KDM4B: variants seen among roughly 807,000 people sequenced by gnomAD.
The protein encoded by KDM4B is lysine-specific demethylase 4B.
In KDM4B, 32 loss-of-function variants were observed where a neutral mutation model predicts 125.2. The ratio of observed to expected loss-of-function variants is 0.26; its 90% CI spans 0.19 to 0.34. KDM4B has a LOEUF of 0.34. Ranked by LOEUF, KDM4B falls within the 10% of genes least tolerant of loss-of-function variation. The pLI is 1.00. For missense variants in KDM4B, 1,190 were observed against 1,577.7 expected (o/e 0.75, Z 4.16); for synonymous variants, 721 against 677.9 (o/e 1.06, Z -0.99).
intron 6 of KDM4B, among the ~76,000 whole-genome samples, chr19:5,068,910 G>T (rs1034008319): frequency 1.3e-5 from 2 of 152,250 alleles, no homozygotes; most frequent in African/African-American, 4.8e-5. Flanking sequence ...TAATTAAGTG[G>T]AGCAGCATTG....
At chr19:5,130,476 G>T (rs2039522262) in intron 11 of KDM4B, among the ~76,000 whole-genome samples, 1 of 152,206 alleles carries the variant, frequency 6.6e-6, no homozygotes. Flanking sequence ...CACGCGGAAG[G>T]GTGTCGGGCC....
At chr19:5,054,461 AATGTG>A (rs2037331130) in intron 6 of KDM4B, among the ~76,000 whole-genome samples, 1 of 87,716 alleles carries the variant, frequency 1.1e-5, no homozygotes, top group Non-Finnish European at 2.3e-5. Context: ...AGAGAGAGAG[AATGTG>A]TGTGTGTGTG....
In KDM4B at chr19:5,152,608, A is replaced by G. The variant is rs535288232; in HGVS notation, c.*1097A>G. The stretch of plus-strand genomic sequence containing the variant: ...GGACGAGGCCTGGTGTCCTCGCTCC[A>G]CCCACCCACGCTGCTGTCACCTGAG... On this transcript the variant is annotated 3_prime_UTR_variant, in exon 23 of 23. Transcript: ENST00000159111. 9 of 152,220 alleles carry G rather than the reference A, an allele frequency of 5.9e-5. No homozygotes were observed. Among genetic ancestry groups the G allele is most frequent in the Non-Finnish European group, 1.3e-4 (9 of 68,028 alleles). The allele number at this position is 152,220 out of a possible 1,614,324, so 9.4% of individuals were successfully genotyped here.
intron 1 of KDM4B, among the ~76,000 whole-genome samples, chr19:5,015,762 T>C (rs151236122): frequency 5.9e-5 from 9 of 152,348 alleles, no homozygotes; most frequent in Non-Finnish European, 8.8e-5. Flanking sequence ...CCTACAAGTA[T>C]CTGAGCGTCT....
rs2620836 is a variant in KDM4B at position 5,135,381 on chromosome 19, G to A, written c.2128G>A (p.Glu710Lys). The change falls in exon 15 of 23, where the codon GAG (glutamate) becomes AAG (lysine). Residue 710 changes from glutamate (E) to lysine (K), a missense_variant. Physicochemically the swap from Glu to Lys is moderately conservative, Grantham distance 56. This residue lies in a region of KDM4B where 128 missense variants were observed against 137.8 expected (regional missense o/e 0.93). Transcript: ENST00000159111. ...EKEAPIASLG[E>K]GCPATLPSKS... Reference sequence around the variant, plus strand: ...GGAGGCACCCATAGCCTCCCTCGGAGAGGGCTGCCCGGCCACATTACCCTC... The same window carrying A: ...GGAGGCACCCATAGCCTCCCTCGGAAAGGGCTGCCCGGCCACATTACCCTC... 6.2e-6 allele frequency: 10 copies of A among 1,613,444 alleles called. No individual in the cohort carries two copies. The highest frequency in any genetic ancestry group is 8.5e-6 in the Non-Finnish European group (10 of 1,179,986).
At chr19:5,059,664 C>T (rs895318558) in intron 6 of KDM4B, among the ~76,000 whole-genome samples, 12 of 152,240 alleles carry the variant, frequency 7.9e-5, no homozygotes, top group African/African-American at 1.2e-4. Context: ...CATCATTACA[C>T]GCGCCATTTA....
chr19:5,098,827 C>T (rs2038877375), intron 9 of KDM4B, among the ~76,000 whole-genome samples: 2 of 152,288 alleles, frequency 1.3e-5, no homozygotes, highest in African/African-American at 2.4e-5. Flanking sequence ...GACACCAGAC[C>T]TGCCAGTGCC....
At chr19:5,084,688 C>T (rs957111725) in intron 9 of KDM4B, among the ~76,000 whole-genome samples, 8 of 149,906 alleles carry the variant, frequency 5.3e-5, no homozygotes, top group African/African-American at 1.7e-4. Flanking sequence ...TGGCTTCACG[C>T]CTATAATCTC....
chr19:5,036,660 C>T (rs564189011), intron 3 of KDM4B, among the ~76,000 whole-genome samples: 2 of 152,234 alleles, frequency 1.3e-5, no homozygotes, highest in Non-Finnish European at 1.5e-5. Context: ...CTGAATCTGG[C>T]CCCCCAGGAG....
At chr19:5,023,023 C>T (rs78607219) in intron 2 of KDM4B, among the ~76,000 whole-genome samples, 5,431 of 152,212 alleles carry the variant, frequency 0.036, 115 homozygotes, top group Middle Eastern at 0.12. Context: ...CCTTAAATGA[C>T]AAAAGGGACT....
chr19:5,040,945 C>G (rs879339991), intron 4 of KDM4B, among the ~76,000 whole-genome samples, 192 bp from the exon 5 acceptor site: 5 of 152,220 alleles, frequency 3.3e-5, no homozygotes, highest in Non-Finnish European at 5.9e-5. Flanking sequence ...GGGTTTGGGC[C>G]ACTGCTCGCC....
chr19:5,139,442 C>T (rs536948497), intron 18 of KDM4B, among the ~76,000 whole-genome samples: 7 of 152,330 alleles, frequency 4.6e-5, no homozygotes, highest in African/African-American at 1.7e-4. Flanking sequence ...CCTGTGGATA[C>T]AGACCCAGCA....
At chr19:5,136,008 C>A (rs1348437277) in intron 15 of KDM4B, among the ~76,000 whole-genome samples, 1 of 152,256 alleles carries the variant, frequency 6.6e-6, no homozygotes, top group African/African-American at 2.4e-5. Context: ...CCAGGCACCC[C>A]GTCTCTCCGC....
chr19:5,051,998 C>T (rs2037241542), intron 6 of KDM4B, among the ~76,000 whole-genome samples: 1 of 152,128 alleles, frequency 6.6e-6, no homozygotes, highest in Admixed American at 6.5e-5. Flanking sequence ...ACGGAGCCCC[C>T]AGTTGCTCTT....
At chr19:5,037,132 G>A (rs533426824) in intron 3 of KDM4B, among the ~76,000 whole-genome samples, 4 of 152,344 alleles carry the variant, frequency 2.6e-5, no homozygotes, top group East Asian at 3.9e-4. Flanking sequence ...GATCATGGGC[G>A]AGTTTCCTCT....
Position 4,991,163 on chromosome 19 carries a change from G to A in KDM4B, c.-109+21933G>A, listed in dbSNP as rs1361779231. 7.2e-5 allele frequency among the ~76,000 whole-genome samples: 11 copies of A among 152,118 alleles called. No homozygotes were observed. In the East Asian group the frequency reaches 2.1e-3, roughly 29 times the overall value. ...ATAAAAATAAAAACACTGTTATGGA[G>A]AATTTGACTACACAGAAAGGTAGAC... On this transcript the variant is annotated intron_variant, in intron 1 of 22. Coordinates refer to ENST00000159111, the MANE Select transcript of KDM4B (RefSeq NM_015015.3).
intron 1 of KDM4B, among the ~76,000 whole-genome samples, chr19:4,991,441 C>T (rs1027633237): frequency 6.6e-6 from 1 of 152,196 alleles, no homozygotes; most frequent in African/African-American, 2.4e-5. Context: ...CAGTGAGACC[C>T]TGTCGCTACA....
At chr19:5,000,248 C>T (rs527933805) in intron 1 of KDM4B, among the ~76,000 whole-genome samples, 6 of 135,658 alleles carry the variant, frequency 4.4e-5, no homozygotes, top group African/African-American at 1.7e-4. Context: ...CATCCACCCA[C>T]CCATCCATCC....
Position 5,114,283 on chromosome 19 carries a change from T to A in KDM4B, c.1115+3465T>A, listed in dbSNP as rs1399365915. ...CACCACAGCCTCCCTGGCCCACTGC[T>A]GCTCTGTGAGCCCGGCTGGGCCCAG... is the stretch of plus-strand genomic sequence containing the variant. On this transcript the variant is annotated intron_variant, in intron 10 of 22. Coordinates refer to ENST00000159111, the MANE Select transcript of KDM4B (RefSeq NM_015015.3). This position sits in a 1 kb window ranked among gnomAD's most constrained non-coding sequence, Gnocchi z 5.8. The A allele has an allele frequency of 7.2e-6, 9 of 1,244,308 alleles. No individual in the cohort carries two copies. Among genetic ancestry groups the A allele is most frequent in the African/African-American group, 1.5e-5 (1 of 65,030 alleles). The allele number at this position is 1,244,308 out of a possible 1,614,324, so 77.1% of individuals were successfully genotyped here. A position where few individuals can be genotyped will look rare whatever the true frequency, so the allele number is the denominator to read the frequency against.
Sources: allele counts gnomAD v4.1 joint callset (sites outside exome capture counted in the v4.1 genomes callset), GRCh38; gene constraint gnomAD v4.1.1; regional missense constraint gnomAD v4.1.1; non-coding constraint Gnocchi (gnomAD v3.1); transcripts MANE v1.5; gene names NCBI Gene and HGNC (gene_info 2026-07-23, HGNC 2026-07-21).